RUNX2: variants seen among roughly 807,000 people sequenced by gnomAD.
The protein encoded by RUNX2 is runt-related transcription factor 2.
A neutral mutation model predicts 51.7 loss-of-function variants in RUNX2; 10 were observed. The ratio of observed to expected loss-of-function variants is 0.19; its 90% CI spans 0.12 to 0.33. The LOEUF is 0.33. RUNX2 is among the 10% of genes least tolerant of loss of function. RUNX2 has a pLI of 1.00. For synonymous variants in RUNX2, 276 were observed against 273.6 expected (o/e 1.01, Z -0.09); for missense variants, 562 against 691.3 (o/e 0.81, Z 2.10).
intron 7 of RUNX2, among the ~76,000 whole-genome samples, chr6:45,541,009 G>A (rs932772559): frequency 6.6e-6 from 1 of 152,190 alleles, no homozygotes; most frequent in Non-Finnish European, 1.5e-5. Flanking sequence ...TATAGGTATG[G>A]AATGTATTTG....
intron 5 of RUNX2, among the ~76,000 whole-genome samples, chr6:45,438,554 G>T (rs997064055): frequency 6.6e-6 from 1 of 152,182 alleles, no homozygotes; most frequent in Non-Finnish European, 1.5e-5. Context: ...TTGCTTGATT[G>T]TTACAACACT....
chr6:45,505,072 C>G (rs1041185879), intron 6 of RUNX2, among the ~76,000 whole-genome samples: 1 of 152,198 alleles, frequency 6.6e-6, no homozygotes, highest in African/African-American at 2.4e-5. Context: ...CGGGTTCAGG[C>G]TTTGCTCCCA....
intron 5 of RUNX2, among the ~76,000 whole-genome samples, chr6:45,491,631 T>TG (rs1356563330): frequency 6.8e-6 from 1 of 146,832 alleles, no homozygotes; most frequent in South Asian, 2.1e-4. Context: ...TGTTTTTTTT[T>TG]TTTTTTTTTT....
At chr6:45,457,029 C>T (rs904560074) in intron 5 of RUNX2, among the ~76,000 whole-genome samples, 3 of 152,110 alleles carry the variant, frequency 2.0e-5, no homozygotes, top group Non-Finnish European at 2.9e-5. Flanking sequence ...AAAATAATTT[C>T]AGATTACTCT....
intron 7 of RUNX2, among the ~76,000 whole-genome samples, chr6:45,536,018 C>T (rs1379693658): frequency 1.3e-5 from 2 of 151,842 alleles, no homozygotes; most frequent in Admixed American, 1.3e-4. Context: ...AGCGAAAAAG[C>T]CTGACGTGAA....
intron 2 of RUNX2, among the ~76,000 whole-genome samples, chr6:45,331,232 A>ATC (rs1787445988): frequency 6.6e-6 from 1 of 152,020 alleles, no homozygotes; most frequent in Admixed American, 6.6e-5. Flanking sequence ...ACTACTCAAA[A>ATC]TCTGTCCATC....
At chr6:45,444,373 T>C (rs1798933790) in intron 5 of RUNX2, among the ~76,000 whole-genome samples, 1 of 152,238 alleles carries the variant, frequency 6.6e-6, no homozygotes, top group Non-Finnish European at 1.5e-5. Context: ...CAGCCACCTG[T>C]CTCAACCTGG....
intron 7 of RUNX2, among the ~76,000 whole-genome samples, chr6:45,539,933 G>A (rs570441811): frequency 1.3e-5 from 2 of 152,318 alleles, no homozygotes; most frequent in East Asian, 3.9e-4. Flanking sequence ...AAATGTCCAA[G>A]GTTAGTTTGG....
At chr6:45,479,294 A>G (rs935232620) in intron 5 of RUNX2, among the ~76,000 whole-genome samples, 5 of 152,214 alleles carry the variant, frequency 3.3e-5, no homozygotes, top group Non-Finnish European at 5.9e-5. Context: ...GTTCTTCGGT[A>G]TGTATCATTT....
At chr6:45,448,557 G>T (rs1299733708) in intron 5 of RUNX2, among the ~76,000 whole-genome samples, 1 of 152,116 alleles carries the variant, frequency 6.6e-6, no homozygotes, top group Non-Finnish European at 1.5e-5. Context: ...TCCAGTGCTG[G>T]CTCGGTGTGT....
In RUNX2 at chr6:45,462,352, A is replaced by G. The variant is rs1414927380; in HGVS notation, c.685+24301A>G. 3.3e-5 allele frequency among the ~76,000 whole-genome samples: 5 copies of G among 152,172 alleles called. No homozygotes were observed. The East Asian group carries it at 9.6e-4, about 29-fold the overall frequency. ...GCTGATGGGGTATGACAGTTCTGCT[A>G]TTGCTTCTCATTGACATCGATAGTC... On this transcript the variant is annotated intron_variant, in intron 5 of 8. Transcript: ENST00000647337.
chr6:45,355,207 C>T (rs1251019507), intron 2 of RUNX2, among the ~76,000 whole-genome samples: 12 of 151,588 alleles, frequency 7.9e-5, no homozygotes, highest in Non-Finnish European at 1.8e-4. Flanking sequence ...AGCAATCCTC[C>T]TGCCTCAGCC....
intron 2 of RUNX2, among the ~76,000 whole-genome samples, chr6:45,392,884 G>C (rs1308825536): frequency 6.6e-6 from 1 of 151,862 alleles, no homozygotes; most frequent in Admixed American, 6.6e-5. Context: ...TTACCCTTTA[G>C]TAATCGGCCC....
chr6:45,364,813 C>G (rs1794855271), intron 2 of RUNX2, among the ~76,000 whole-genome samples: 1 of 152,084 alleles, frequency 6.6e-6, no homozygotes, highest in Non-Finnish European at 1.5e-5. Context: ...TTGAGAAAAA[C>G]TAAGAACTTC....
Position 45,399,993 on chromosome 6 carries a change from G to A in RUNX2, c.59-22600G>A, listed in dbSNP as rs140122146. Among the ~76,000 whole-genome samples the A allele has an allele frequency of 5.5e-3, 811 of 146,158 alleles. 11 individuals are homozygous for A. The highest frequency in any genetic ancestry group is 0.019 in the African/African-American group (750 of 39,726). ...GGAAGGAAGGAAGGAAAGAAAGGAG[G>A]GAGGGAGGGAAGAAAGGAAGGAAAG... On this transcript the variant is annotated intron_variant, in intron 2 of 8. Coordinates refer to ENST00000647337, the MANE Select transcript of RUNX2 (RefSeq NM_001024630.4).
chr6:45,496,805 C>G (rs781706939), intron 6 of RUNX2, among the ~76,000 whole-genome samples: 1 of 152,124 alleles, frequency 6.6e-6, no homozygotes, highest in African/African-American at 2.4e-5. Flanking sequence ...AACAAAGAAG[C>G]AGAATTATGT....
Position 45,422,729 on chromosome 6 carries a change from A to ACAGCAGCAGCAG in RUNX2, c.202_213dup (p.Gln68_Gln71dup). ...AGCAACAGCAGCAGCAGCAGCAGCA[A>ACAGCAGCAGCAG]CAGCAGCAGCAGCAGCAGGAGGCGG... On this transcript the variant is annotated inframe_insertion, in exon 3 of 9. Coordinates refer to ENST00000647337, the MANE Select transcript of RUNX2 (RefSeq NM_001024630.4). The ACAGCAGCAGCAG allele has an allele frequency of 6.4e-7, 1 of 1,557,486 alleles. No homozygotes were observed. The highest frequency in any genetic ancestry group is 8.7e-7 in the Non-Finnish European group (1 of 1,149,370).
chr6:45,372,551 G>A (rs1796230916), intron 2 of RUNX2, among the ~76,000 whole-genome samples: 1 of 152,056 alleles, frequency 6.6e-6, no homozygotes. Context: ...ATTTATATTT[G>A]TATGTTATTT....
intron 5 of RUNX2, among the ~76,000 whole-genome samples, chr6:45,463,770 T>A (rs1486456746): frequency 2.6e-5 from 4 of 152,190 alleles, no homozygotes; most frequent in African/African-American, 2.4e-5. Flanking sequence ...GGGATTTGCA[T>A]CCAGATCTTT....
Sources: allele counts gnomAD v4.1 joint callset (sites outside exome capture counted in the v4.1 genomes callset), GRCh38; gene constraint gnomAD v4.1.1; transcripts MANE v1.5; gene names NCBI Gene and HGNC (gene_info 2026-07-23, HGNC 2026-07-21).